The following PRDM16 variants were observed in gnomAD, a reference collection of about 807,000 sequenced individuals.
PRDM16 encodes histone-lysine N-methyltransferase PRDM16.
In PRDM16, 23 loss-of-function variants were observed where a neutral mutation model predicts 110.6. The observed-to-expected ratio is 0.21, with a 90% CI of 0.15 to 0.29. The LOEUF (loss-of-function observed/expected upper bound fraction) is 0.29, where lower values mean the gene tolerates loss of function less well. Ranked by LOEUF, PRDM16 falls within the 10% of genes least tolerant of loss-of-function variation. The pLI, the probability that PRDM16 is intolerant of heterozygous loss-of-function variation, is 1.00. For synonymous variants in PRDM16, 799 were observed against 781.8 expected, an observed-to-expected ratio of 1.02 and a Z score of -0.37; for missense variants, 1,615 against 1,794.3, an observed-to-expected ratio of 0.90 and a Z score of 1.81.
chr1:3,302,438 GGCACCAGTA>G (rs1303987663), intron 3 of PRDM16, among the ~76,000 whole-genome samples: 1 of 152,098 alleles, frequency 6.6e-6, no homozygotes, highest in African/African-American at 2.4e-5. Flanking sequence ...TTAGAAGAAT[GGCACCAGTA>G]GACTTGTTGG....
intron 3 of PRDM16, among the ~76,000 whole-genome samples, chr1:3,283,080 G>T (rs909598374): frequency 6.6e-6 from 1 of 152,226 alleles, no homozygotes; most frequent in African/African-American, 2.4e-5. Context: ...GAGCAGGTGC[G>T]GGGTGCGTCT....
In PRDM16 at chr1:3,217,517, G is replaced by C. The variant is rs535573528; in HGVS notation, c.388-26570G>C. Among the ~76,000 whole-genome samples, 9 of 152,340 alleles carry C rather than the reference G, an allele frequency of 5.9e-5. No individual in the cohort carries two copies. The South Asian group carries it at 1.9e-3, about 32-fold the overall frequency. On this transcript the variant is annotated intron_variant, in intron 2 of 16. Coordinates refer to ENST00000270722, the MANE Select transcript of PRDM16 (RefSeq NM_022114.4). ...TTTCTGCTCCTTATTCCAGATGAAA[G>C]TGGATCTCAAGAGTGCCTGGGAGCA...
At chr1:3,335,558 G>A (rs965442542) in intron 3 of PRDM16, among the ~76,000 whole-genome samples, 7 of 150,220 alleles carry the variant, frequency 4.7e-5, no homozygotes, top group Admixed American at 4.0e-4. Context: ...GCTTCAAACA[G>A]AGCATTGGAG....
At chr1:3,191,366 A>G (rs1054367363) in intron 2 of PRDM16, among the ~76,000 whole-genome samples, 34 of 152,048 alleles carry the variant, frequency 2.2e-4, no homozygotes, top group African/African-American at 8.2e-4. Context: ...GGCCACACCA[A>G]TTCTCTGGCA....
chr1:3,180,894 TCACACACGCAGTCTTACAC>T (rs1644145009), intron 1 of PRDM16, among the ~76,000 whole-genome samples: 4 of 151,024 alleles, frequency 2.6e-5, no homozygotes, highest in African/African-American at 9.8e-5. Context: ...ACACACGGCC[TCACACACGCAGTCTTACAC>T]GCAGCCTTAC....
Position 3,225,573 on chromosome 1 carries a change from T to TGTGTGC in PRDM16, c.388-18513_388-18512insTGTGCG, listed in dbSNP as rs1336272072. Among the ~76,000 whole-genome samples, 120 of 129,902 alleles carry TGTGTGC rather than the reference T, an allele frequency of 9.2e-4. 1 individual carries two copies. The highest frequency in any genetic ancestry group is 2.7e-3 in the South Asian group (11 of 4,118). 85.2% of individuals were successfully genotyped at this position (129,902 alleles called of 152,430 possible). On this transcript the variant is annotated intron_variant, in intron 2 of 16. Transcript: ENST00000270722. ...GTGTGTGTGTGTGTGTGTGTGTGTG[T>TGTGTGC]GCGCGCGCGCAGAAGGAAGGAAACG...
At chr1:3,169,451 G>C (rs1643999702) in intron 1 of PRDM16, among the ~76,000 whole-genome samples, 1 of 152,020 alleles carries the variant, frequency 6.6e-6, no homozygotes, top group Non-Finnish European at 1.5e-5. Flanking sequence ...AGGCCGAGGG[G>C]CTTGTTGGCC....
Position 3,409,834 on chromosome 1 carries a change from G to GGTGTGGTGTGTGTATGTGCGT in PRDM16, c.1187-1545_1187-1544insGTGTGTGTATGTGCGTGTGTG, listed in dbSNP as rs1553175963. Among the ~76,000 whole-genome samples, 94 of 125,930 alleles carry GGTGTGGTGTGTGTATGTGCGT rather than the reference G, an allele frequency of 7.5e-4. 1 individual carries two copies. Among genetic ancestry groups the GGTGTGGTGTGTGTATGTGCGT allele is most frequent in the African/African-American group, 2.8e-3 (91 of 32,094 alleles). The allele number at this position is 125,930 out of a possible 152,430, so 82.6% of individuals were successfully genotyped here. ...GTGTGCATGTGTGTGGTTGTGTGTG[G>GGTGTGGTGTGTGTATGTGCGT]GTGTGTGGTGTGGGTGTGTGTGTGG... On this transcript the variant is annotated intron_variant, in intron 8 of 16. Coordinates refer to ENST00000270722, the MANE Select transcript of PRDM16 (RefSeq NM_022114.4).
rs1024712915 is a variant in PRDM16 at position 3,341,203 on chromosome 1, C to T, written c.439-43949C>T. ...AGCAAGCTCCAGAGTGCAAAGCTCT[C>T]GAGAAGTGACTGTCGCCTGGTGGGT... On this transcript the variant is annotated intron_variant, in intron 3 of 16. Coordinates refer to ENST00000270722, the MANE Select transcript of PRDM16 (RefSeq NM_022114.4). Among the ~76,000 whole-genome samples, 8 of 128,576 alleles carry T rather than the reference C, an allele frequency of 6.2e-5. No homozygotes were observed. The South Asian group carries it at 9.1e-4, about 15-fold the overall frequency. The allele number at this position is 128,576 out of a possible 152,430, so 84.4% of individuals were successfully genotyped here. A position where few individuals can be genotyped will look rare whatever the true frequency, so the allele number is the denominator to read the frequency against.
At position 3,401,874 on chromosome 1, in the gene PRDM16, A is replaced by G. The variant is rs1643478676; in HGVS notation, c.677-917A>G. Among the ~76,000 whole-genome samples, 4 of 137,564 alleles carry G rather than the reference A, an allele frequency of 2.9e-5. No individual in the cohort carries two copies. The Admixed American group carries it at 3.2e-4, about 11-fold the overall frequency. 90.2% of individuals were successfully genotyped at this position (137,564 alleles called of 152,430 possible). ...ACATGTGCAAGTATGAAAACACACCAGTGCACACAAATATTCACGCATGTA... is the reference window on the plus strand; with the variant it reads ...ACATGTGCAAGTATGAAAACACACCGGTGCACACAAATATTCACGCATGTA... On this transcript the variant is annotated intron_variant, in intron 5 of 16. Coordinates refer to ENST00000270722, the MANE Select transcript of PRDM16 (RefSeq NM_022114.4).
intron 2 of PRDM16, among the ~76,000 whole-genome samples, chr1:3,217,233 A>T (rs546184013): frequency 2.0e-5 from 3 of 152,236 alleles, no homozygotes; most frequent in Non-Finnish European, 4.4e-5. Flanking sequence ...AGTGACCCAG[A>T]ATCCATTCCT....
At chr1:3,384,069 A>T (rs1417025473) in intron 3 of PRDM16, among the ~76,000 whole-genome samples, 1 of 150,958 alleles carries the variant, frequency 6.6e-6, no homozygotes, top group East Asian at 2.0e-4. Context: ...GCCCACCGTG[A>T]CCCACCTGCC....
rs529457992 is a variant in PRDM16 at position 3,130,916 on chromosome 1, C to A, written c.38-55209C>A. 2.6e-5 allele frequency among the ~76,000 whole-genome samples: 4 copies of A among 152,234 alleles called. No homozygotes were observed. The East Asian group carries it at 7.7e-4, about 29-fold the overall frequency. On this transcript the variant is annotated intron_variant, in intron 1 of 16. Coordinates refer to ENST00000270722, the MANE Select transcript of PRDM16 (RefSeq NM_022114.4). ...GCTAGAACGCAGCCGCTTCCTTCTG[C>A]AGGTTGTGCCCTGTTCAGGTTAGGT...
intron 3 of PRDM16, among the ~76,000 whole-genome samples, chr1:3,320,204 G>C (rs2100450138): frequency 6.6e-6 from 1 of 152,382 alleles, no homozygotes. Flanking sequence ...GACACACACA[G>C]TGGGCTGTGA....
chr1:3,204,964 C>T (rs1197684668), intron 2 of PRDM16, among the ~76,000 whole-genome samples: 1 of 152,110 alleles, frequency 6.6e-6, no homozygotes, highest in Non-Finnish European at 1.5e-5. Context: ...GGATTGTTAT[C>T]GAATTAGTTG....
At chr1:3,225,273 C>G (rs915116353) in intron 2 of PRDM16, among the ~76,000 whole-genome samples, 5 of 152,134 alleles carry the variant, frequency 3.3e-5, no homozygotes, top group Admixed American at 6.5e-5. Flanking sequence ...CTTTAAAATA[C>G]CCGCGGGCTC....
In PRDM16 at chr1:3,272,630, A is replaced by G. The variant is rs1454468858; in HGVS notation, c.438+28493A>G. Among the ~76,000 whole-genome samples the G allele has an allele frequency of 9.2e-5, 14 of 152,300 alleles. No homozygotes were observed. In the East Asian group the frequency reaches 1.4e-3, roughly 15 times the overall value. On this transcript the variant is annotated intron_variant, in intron 3 of 16. Coordinates refer to ENST00000270722, the MANE Select transcript of PRDM16 (RefSeq NM_022114.4). ...AGCTCCCGTGTGCAGGTCCCCGGGT[A>G]ACCTGTGTGTTGGCTGCATCGCCTC...
intron 1 of PRDM16, among the ~76,000 whole-genome samples, chr1:3,153,646 C>G (rs547504781): frequency 6.6e-6 from 1 of 152,186 alleles, no homozygotes; most frequent in Admixed American, 6.5e-5. Context: ...TTCACCCTTC[C>G]GGAAAAGGCA....
chr1:3,422,677 G>C (rs1363880365), intron 12 of PRDM16, among the ~76,000 whole-genome samples: 1 of 152,222 alleles, frequency 6.6e-6, no homozygotes, highest in African/African-American at 2.4e-5. Flanking sequence ...GAGATTGTGT[G>C]GGACACGTCG....
Sources: gnomAD v4.1 joint callset for allele counts (sites outside exome capture counted in the v4.1 genomes callset) on GRCh38, gnomAD v4.1.1 for gene constraint, MANE v1.5 for transcripts, NCBI Gene and HGNC (gene_info 2026-07-23, HGNC 2026-07-21) for gene names.